The following PROX1 variants were observed in gnomAD, a reference collection of about 807,000 sequenced individuals.
PROX1 encodes prospero homeobox 1, also known as prospero homeobox protein 1.
In PROX1, 7 loss-of-function variants were observed where a neutral mutation model predicts 58.8. The observed-to-expected ratio is 0.12, with a 90% confidence interval of 0.07 to 0.22. The LOEUF (loss-of-function observed/expected upper bound fraction) is 0.22. Ranked by LOEUF, PROX1 falls within the 10% of genes least tolerant of loss-of-function variation. The pLI is 1.00. For missense variants in PROX1, 675 were observed against 927.8 expected (o/e 0.73, Z 3.54); for synonymous variants, 350 against 358.3 (o/e 0.98, Z 0.26).
chr1:213,989,261 C>CTTCCGA (rs1662930842), intron 1 of PROX1, among the ~76,000 whole-genome samples: 1 of 151,796 alleles, frequency 6.6e-6, no homozygotes, highest in Non-Finnish European at 1.5e-5. Flanking sequence ...ACGCGCGCGG[C>CTTCCGA]GCCCCTCTTC....
intron 2 of PROX1, among the ~76,000 whole-genome samples, chr1:214,001,294 G>A (rs1663501704): frequency 6.6e-6 from 1 of 152,114 alleles, no homozygotes; most frequent in African/African-American, 2.4e-5. Context: ...GAATTTCAGT[G>A]CACCTGCTCC....
rs2102797124 is a variant in PROX1, at chr1:214,039,556, T to C, written c.*3722T>C. 6.6e-6 allele frequency: 1 copy of C among 152,330 alleles called. No individual in the cohort carries two copies. The highest frequency in any genetic ancestry group is 1.9e-4 in the East Asian group (1 of 5,174). The allele number at this position is 152,330 out of a possible 1,614,324, so 9.4% of individuals were successfully genotyped here. ...GCTGTCATTATGTAAGACATGAGAT[T>C]TTAATAAATAACTACATTCTCACGA... On this transcript the variant is annotated 3_prime_UTR_variant, in exon 5 of 5. Coordinates refer to ENST00000366958, the MANE Select transcript of PROX1 (RefSeq NM_001270616.2).
At chr1:214,008,239 G>C (rs1314274852) in intron 3 of PROX1, among the ~76,000 whole-genome samples, 2 of 151,890 alleles carry the variant, frequency 1.3e-5, no homozygotes. Flanking sequence ...TTTTTTAGTA[G>C]AGACGGGGTT....
At chr1:214,022,177 A>T (rs1447946146) in intron 4 of PROX1, among the ~76,000 whole-genome samples, 1 of 152,180 alleles carries the variant, frequency 6.6e-6, no homozygotes, top group East Asian at 1.9e-4. Context: ...CTGGGATCAA[A>T]TCCCAGCTCT....
intron 4 of PROX1, among the ~76,000 whole-genome samples, chr1:214,034,983 C>G (rs1420856978): frequency 1.3e-5 from 2 of 152,132 alleles, no homozygotes; most frequent in African/African-American, 4.8e-5. Context: ...AAATCACTCT[C>G]TTATGGAGCA....
chr1:214,033,477 A>G (rs918896641), intron 4 of PROX1, among the ~76,000 whole-genome samples: 2 of 152,148 alleles, frequency 1.3e-5, no homozygotes, highest in Non-Finnish European at 2.9e-5. Flanking sequence ...ACTTGCCTGT[A>G]ATCTCAGCTA....
In PROX1 at chr1:213,996,717, A is replaced by G. The variant is rs775821744; in HGVS notation, c.182A>G (p.His61Arg). ...GATGTTGAGTATTCAGTGGTGCAGC[A>G]TGCAGATGGGGAAAAGTCAAATGTA... ...EQDVEYSVVQ[H>R]ADGEKSNVLR... is the part of the protein sequence containing the mutation. Residue 61 changes from histidine to arginine, a missense_variant, in exon 2 of 5, where the codon CAT (histidine) becomes CGT (arginine). His to Arg is a conservative substitution (Grantham distance 29, BLOSUM62 0). This residue lies in a region of PROX1 where 157 missense variants were observed against 197.8 expected (regional missense o/e 0.79). Transcript: ENST00000366958. The G allele has an allele frequency of 2.5e-6, 4 of 1,614,238 alleles. No homozygotes were observed. In the East Asian group the frequency reaches 6.7e-5, roughly 27 times the overall value.
chr1:214,022,859 T>C (rs1664329492), intron 4 of PROX1, among the ~76,000 whole-genome samples: 1 of 152,334 alleles, frequency 6.6e-6, no homozygotes, highest in Non-Finnish European at 1.5e-5. Context: ...ATAAAGTCTC[T>C]TTTGAGTCTT....
chr1:214,030,114 C>T (rs1664595282), intron 4 of PROX1: 1 of 152,372 alleles, frequency 6.6e-6, no homozygotes, highest in African/African-American at 2.4e-5. Flanking sequence ...GAAGAGTATC[C>T]AAAATACCAG....
chr1:213,989,324 G>A (rs1471101426), intron 1 of PROX1, among the ~76,000 whole-genome samples: 4 of 151,856 alleles, frequency 2.6e-5, no homozygotes, highest in African/African-American at 9.7e-5. Context: ...GGCGGCACCG[G>A]GAGGCTCGGG....
intron 4 of PROX1, chr1:214,031,007 A>T (rs954780159): frequency 1.3e-5 from 2 of 152,070 alleles, no homozygotes; most frequent in African/African-American, 4.8e-5. Context: ...AAAAAAGAAC[A>T]GCAAAACAAC....
chr1:214,035,260 A>G (rs1306408734), intron 4 of PROX1, among the ~76,000 whole-genome samples: 2 of 152,202 alleles, frequency 1.3e-5, no homozygotes, highest in African/African-American at 2.4e-5. Flanking sequence ...TTTTGTTTTC[A>G]TCATGGCAAT....
Position 214,035,829 on chromosome 1 carries a change from G to A in PROX1, c.2209G>A (p.Glu737Lys), listed in dbSNP as rs1664810188. The change falls in exon 5 of 5, where the codon GAG becomes AAG. Residue 737 changes from glutamate (E) to lysine (K), a missense_variant. Around this residue, in one of 8 missense-constraint regions of PROX1, gnomAD observed 16 missense variants for 21.0 expected, o/e 0.76. Transcript: ENST00000366958. ...SPNCLQELLHE is the reference protein window; with the variant it reads ...SPNCLQELLHK ...GAACTGCCTACAAGAGCTGCTTCAT[G>A]AGTAGAAATTTCAACAACTCTTTTT... is the stretch of plus-strand genomic sequence containing the variant. The A allele has an allele frequency of 1.2e-6, 2 of 1,607,192 alleles. No homozygotes were observed. Among genetic ancestry groups the A allele is most frequent in the African/African-American group, 2.7e-5 (2 of 74,704 alleles).
Position 213,997,918 on chromosome 1 carries a change from C to T in PROX1, c.1383C>T (p.His461=). 8.1e-6 allele frequency: 13 copies of T among 1,613,226 alleles called. No homozygotes were observed. Among genetic ancestry groups the T allele is most frequent in the Non-Finnish European group, 1.1e-5 (13 of 1,179,532 alleles). The change falls in exon 2 of 5, where the codon CAC becomes CAT. Residue 461 remains histidine, a synonymous_variant. Transcript: ENST00000366958. This position sits in a 1 kb window ranked among gnomAD's most constrained non-coding sequence, Gnocchi z 7.1. ...CCGGCCCTGCCGCTGGCGGCCACCA[C>T]CAGCCCCTGCACCAGTCGCCTCTCT... ...SASGPAAGGH[H]QPLHQSPLSA...
At chr1:213,988,899 CTT>C (rs995652185) in intron 1 of PROX1, among the ~76,000 whole-genome samples, 1 of 151,974 alleles carries the variant, frequency 6.6e-6, no homozygotes, top group African/African-American at 2.4e-5. Context: ...CCTGCTCTCT[CTT>C]CTCAGGAGAG....
chr1:213,984,855 T>A (rs1437028023), upstream of PROX1: 1 of 152,444 alleles, frequency 6.6e-6, no homozygotes, highest in Non-Finnish European at 1.5e-5. Flanking sequence ...TCAGAATTGG[T>A]TTGTTTAGGA....
At chr1:214,033,482 C>T (rs900066428) in intron 4 of PROX1, among the ~76,000 whole-genome samples, 6 of 152,188 alleles carry the variant, frequency 3.9e-5, no homozygotes, top group African/African-American at 1.2e-4. Context: ...CCTGTAATCT[C>T]AGCTACTCAG....
intron 4 of PROX1, among the ~76,000 whole-genome samples, chr1:214,019,806 G>A (rs757382564): frequency 6.6e-6 from 1 of 152,182 alleles, no homozygotes; most frequent in Admixed American, 6.5e-5. Flanking sequence ...CCCTGCTGCC[G>A]GCCTCCTTGC....
upstream of PROX1, chr1:213,986,553 C>T (rs867591083): frequency 6.6e-6 from 1 of 151,970 alleles, no homozygotes; most frequent in African/African-American, 2.4e-5. Context: ...AGTGTTTGGC[C>T]AGTGTACTTG....
Sources: allele counts gnomAD v4.1 joint callset (sites outside exome capture counted in the v4.1 genomes callset), GRCh38; gene constraint gnomAD v4.1.1; regional missense constraint gnomAD v4.1.1; non-coding constraint Gnocchi (gnomAD v3.1); transcripts MANE v1.5; gene names NCBI Gene and HGNC (gene_info 2026-07-23, HGNC 2026-07-21).